The following TRRAP variants were observed in gnomAD, a reference collection of about 807,000 sequenced individuals.
TRRAP encodes transformation/transcription domain-associated protein.
TRRAP carries 41 observed loss-of-function variants against 438.8 expected under a neutral mutation model. The ratio of observed to expected loss-of-function variants is 0.09; its 90% CI spans 0.07 to 0.12. The LOEUF is 0.12. Among genes scored for constraint, TRRAP ranks in the 10% least tolerant of loss-of-function variants. The pLI is 1.00. For synonymous variants in TRRAP, 1,994 were observed against 1,962.9 expected, an observed-to-expected ratio of 1.02 and a Z score of -0.42; for missense variants, 3,122 against 5,055.1, an observed-to-expected ratio of 0.62 and a Z score of 11.60.
intron 5 of TRRAP, among the ~76,000 whole-genome samples, chr7:98,893,201 T>G (rs1186599741): frequency 2.0e-5 from 3 of 152,154 alleles, no homozygotes; most frequent in Non-Finnish European, 4.4e-5. Context: ...CCACCCGCTT[T>G]GGCCTCCCAA....
At chr7:98,945,398 C>T (rs1468229600) in intron 31 of TRRAP, among the ~76,000 whole-genome samples, 3 of 152,158 alleles carry the variant, frequency 2.0e-5, no homozygotes, top group Non-Finnish European at 4.4e-5. Context: ...CTTAGCCCTT[C>T]ATATAAAATT....
chr7:98,983,984 A>G, intron 60 of TRRAP, 109 bp from the exon 61 acceptor site: 1 of 1,384,290 alleles, frequency 7.2e-7, no homozygotes, highest in Non-Finnish European at 9.6e-7. Flanking sequence ...AGAGCTGCCC[A>G]TTTTCATAAG....
In TRRAP at chr7:98,906,247, G is replaced by T; in HGVS notation, c.1107G>T (p.Glu369Asp). ...ILIGSGYTARETLRPLAYSTL... is the reference protein window; with the variant it reads ...ILIGSGYTARDTLRPLAYSTL... The stretch of plus-strand genomic sequence containing the variant: ...TTGGCTCAGGATATACTGCCAGAGA[G>T]ACTCTAAGGTATGAGATTAAACCAG... Residue 369 changes from glutamate (E) to aspartate (D), a missense_variant, in exon 13 of 73, where the codon GAG becomes GAT. Transcript: ENST00000456197. 6.2e-7 allele frequency: 1 copy of T among 1,613,820 alleles called. No homozygotes were observed. The highest frequency in any genetic ancestry group is 8.5e-7 in the Non-Finnish European group (1 of 1,179,812).
intron 16 of TRRAP, 81 bp downstream of exon 16, chr7:98,910,688 T>A: frequency 8.3e-7 from 1 of 1,207,964 alleles, no homozygotes; most frequent in Non-Finnish European, 1.2e-6. Context: ...GGGGTGGCAG[T>A]GAGAGCTGTT....
At chr7:98,942,002 T>G (rs1407333586) in intron 30 of TRRAP, among the ~76,000 whole-genome samples, 2 of 152,232 alleles carry the variant, frequency 1.3e-5, no homozygotes. Context: ...ACTTCGGTGT[T>G]GTGAAGGGCA....
chr7:98,996,222 C>T (rs1264282907), intron 67 of TRRAP, among the ~76,000 whole-genome samples: 2 of 152,258 alleles, frequency 1.3e-5, no homozygotes, highest in Admixed American at 1.3e-4. Flanking sequence ...TCTGCGCATC[C>T]ACATCCCATT....
intron 29 of TRRAP, 151 bp downstream of exon 29, chr7:98,937,428 AAGAATAT>A: frequency 1.6e-6 from 2 of 1,241,512 alleles, no homozygotes; most frequent in Non-Finnish European, 2.2e-6. Context: ...AAACTGTAAT[AAGAATAT>A]ACCTGTTTCA....
At chr7:98,919,153 C>CA (rs1789672067) in intron 20 of TRRAP, among the ~76,000 whole-genome samples, 1 of 152,114 alleles carries the variant, frequency 6.6e-6, no homozygotes, top group Non-Finnish European at 1.5e-5. Context: ...AGATAGGAGT[C>CA]AGAGTATGAG....
rs781941401 is a variant in TRRAP at position 98,895,853 on chromosome 7, T to C, written c.507+33T>C. ...TTTACTTTGGTTTTAATTAGTTACA[T>C]TTGTTTATACTTCCTTATTCCAAAA... On this transcript the variant is annotated intron_variant, in intron 7 of 72. Transcript: ENST00000456197. The C allele has an allele frequency of 3.0e-5, 46 of 1,540,156 alleles. No individual in the cohort carries two copies. In the Admixed American group the frequency reaches 8.1e-4, roughly 27 times the overall value.
chr7:98,900,224 C>T (rs2116348071), intron 10 of TRRAP, among the ~76,000 whole-genome samples: 1 of 152,232 alleles, frequency 6.6e-6, no homozygotes, highest in South Asian at 2.1e-4. Flanking sequence ...TGTCTTCATG[C>T]ACCCTCCTGA....
intron 6 of TRRAP, 68 bp from the exon 7 acceptor site, chr7:98,895,696 T>A: frequency 7.4e-7 from 1 of 1,358,666 alleles, no homozygotes; most frequent in South Asian, 1.4e-5. Flanking sequence ...TTACAACTTT[T>A]CTTATTTATT....
chr7:98,933,462 C>G, intron 27 of TRRAP, 60 bp downstream of exon 27: 4 of 1,550,890 alleles, frequency 2.6e-6, no homozygotes, highest in Non-Finnish European at 3.5e-6. Context: ...GCTAGCCTGT[C>G]TTTGTACGCG....
chr7:98,972,014 C>A lies in TRRAP; in HGVS notation c.7839+69C>A, dbSNP rs564566650. The A allele has an allele frequency of 5.3e-6, 8 of 1,522,912 alleles. No homozygotes were observed. The East Asian group carries it at 1.2e-4, about 22-fold the overall frequency. The allele number at this position is 1,522,912 out of a possible 1,614,324, so 94.3% of individuals were successfully genotyped here. On this transcript the variant is annotated intron_variant, in intron 53 of 72. Transcript: ENST00000456197. ...GACAGTTCAAAGCCTAAATCAGGAT[C>A]ATTCCACAGCAGTGTAACTTTTTCT...
At chr7:98,899,621 A>G (rs1562931412) in intron 9 of TRRAP, 58 bp from the exon 10 acceptor site, 1 of 1,608,182 alleles carries the variant, frequency 6.2e-7, no homozygotes, top group Non-Finnish European at 8.5e-7. Context: ...TCGGTATGCC[A>G]GATTTTGTCG....
intron 58 of TRRAP, among the ~76,000 whole-genome samples, chr7:98,980,714 G>A (rs1389397576): frequency 1.3e-5 from 2 of 152,198 alleles, no homozygotes; most frequent in African/African-American, 2.4e-5. Flanking sequence ...ACACCTGAAC[G>A]GTTTAATTTC....
chr7:98,983,516 T>C (rs1793022961), intron 60 of TRRAP, 57 bp downstream of exon 60: 4 of 1,593,302 alleles, frequency 2.5e-6, no homozygotes, highest in Non-Finnish European at 3.4e-6. Flanking sequence ...CGCCCCACGG[T>C]TCTGGTTTCG....
chr7:98,959,125 C>T (rs566960941), intron 44 of TRRAP, among the ~76,000 whole-genome samples: 2 of 152,004 alleles, frequency 1.3e-5, no homozygotes, highest in Non-Finnish European at 2.9e-5. Context: ...TGCAGGTCAC[C>T]ACGGATGCGC....
chr7:98,893,219 G>A (rs1279426368), intron 5 of TRRAP, among the ~76,000 whole-genome samples: 4 of 152,290 alleles, frequency 2.6e-5, no homozygotes, highest in East Asian at 1.9e-4. Flanking sequence ...CAAAGTGCTC[G>A]GATTACAGGC....
intron 67 of TRRAP, among the ~76,000 whole-genome samples, chr7:99,002,122 C>CGGG (rs1003090262): frequency 1.9e-4 from 1 of 5,156 alleles, no homozygotes; most frequent in African/African-American, 7.4e-4. Context: ...AGGGGAGAGG[C>CGGG]GGGGGGGTGG....
Sources: allele counts gnomAD v4.1 joint callset (sites outside exome capture counted in the v4.1 genomes callset), GRCh38; gene constraint gnomAD v4.1.1; transcripts MANE v1.5; gene names NCBI Gene and HGNC (gene_info 2026-07-23, HGNC 2026-07-21).